The following C8orf74 variants were observed in gnomAD, a reference collection of about 807,000 sequenced individuals.
The protein encoded by C8orf74 is uncharacterized protein C8orf74.
A neutral mutation model predicts 22.2 loss-of-function variants in C8orf74; 29 were observed. The ratio of observed to expected loss-of-function variants is 1.31; its 90% CI spans 0.97 to 1.78. The LOEUF is 1.78. Among genes scored for constraint, C8orf74 ranks in the 40% most tolerant of loss-of-function variants. C8orf74 has a pLI of 0.00. For synonymous variants in C8orf74, 255 were observed against 163.1 expected (o/e 1.56, Z -4.30); for missense variants, 515 against 369.9 (o/e 1.39, Z -3.22).
chr8:10,681,055 C>A (rs932887643), intron 2 of C8orf74, among the ~76,000 whole-genome samples: 3 of 151,342 alleles, frequency 2.0e-5, no homozygotes, highest in Non-Finnish European at 4.4e-5. Flanking sequence ...TTCTAGATAA[C>A]AAAGCTGGCA....
chr8:10,694,299 A>G (rs1443337097), intron 2 of C8orf74, among the ~76,000 whole-genome samples: 2 of 152,192 alleles, frequency 1.3e-5, no homozygotes, highest in Non-Finnish European at 1.5e-5. Context: ...TCACCGTTTG[A>G]CAAACTAATC....
At chr8:10,677,325 T>G (rs899791607) in intron 2 of C8orf74, among the ~76,000 whole-genome samples, 1 of 152,228 alleles carries the variant, frequency 6.6e-6, no homozygotes. Context: ...GGGCTTCATA[T>G]AATGCGACTA....
chr8:10,698,901 C>CCACACACACACACACACACA, intron 3 of C8orf74, among the ~76,000 whole-genome samples: 1 of 137,628 alleles, frequency 7.3e-6, no homozygotes, highest in Admixed American at 7.2e-5. Context: ...TACACACACA[C>CCACACACACACACACACACA]CACACACACA....
chr8:10,692,860 G>C (rs990448534), intron 2 of C8orf74: 5 of 152,180 alleles, frequency 3.3e-5, no homozygotes, highest in African/African-American at 1.2e-4. Flanking sequence ...CTGGCACTTG[G>C]CACCCAGCAG....
In C8orf74 at chr8:10,700,532, C is replaced by A. The variant is rs986387764; in HGVS notation, c.*61C>A. 14 of 1,083,868 alleles carry A rather than the reference C, an allele frequency of 1.3e-5. No homozygotes were observed. The African/African-American group carries it at 2.1e-4, about 16-fold the overall frequency. 67.1% of individuals were successfully genotyped at this position (1,083,868 alleles called of 1,614,324 possible). A position where few individuals can be genotyped will look rare whatever the true frequency, so the allele number is the denominator to read the frequency against. The stretch of plus-strand genomic sequence containing the variant: ...CAGCCACCCATAACCATGAGCCTTG[C>A]GGCACGGTGAGCTCAGCACCCACAG... On this transcript the variant is annotated 3_prime_UTR_variant, in exon 4 of 4. Coordinates refer to ENST00000304519, the MANE Select transcript of C8orf74 (RefSeq NM_001040032.2).
chr8:10,700,343 C>A lies in C8orf74; in HGVS notation c.757C>A (p.Gln253Lys). ...NTFAILDLKLQKKTLNLNAPT... is the reference protein window; with the variant it reads ...NTFAILDLKLKKKTLNLNAPT... ...ATTCGCCATCTTGGACCTGAAGCTT[C>A]AGAAGAAGACTCTGAACCTCAACGC... Residue 253 changes from glutamine (Q) to lysine (K), a missense_variant, in exon 4 of 4, where the codon CAG (glutamine) becomes AAG (lysine). Physicochemically the swap from Gln to Lys is moderately conservative, Grantham distance 53. Transcript: ENST00000304519. The A allele has an allele frequency of 6.2e-7, 1 of 1,613,824 alleles. No homozygotes were observed. Among genetic ancestry groups the A allele is most frequent in the Non-Finnish European group, 8.5e-7 (1 of 1,179,768 alleles).
In C8orf74 at chr8:10,674,741, C is replaced by G. The variant is rs1798995341; in HGVS notation, c.144C>G (p.Leu48=). 28 of 1,607,322 alleles carry G rather than the reference C, an allele frequency of 1.7e-5. No individual in the cohort carries two copies. The highest frequency in any genetic ancestry group is 2.3e-5 in the Non-Finnish European group (27 of 1,176,986). Residue 48 remains leucine (L), a synonymous_variant, in exon 2 of 4, where the codon CTC becomes CTG. Transcript: ENST00000304519. ...GGAGGAGCATCCTGCTGGACACCCT[C>G]TACGAGAGCATCATCTTTGCAGTGG... ...DSRRSILLDT[L]YESIIFAVGK...
intron 2 of C8orf74, chr8:10,675,713 C>G (rs923171730): frequency 3.3e-5 from 5 of 152,184 alleles, no homozygotes; most frequent in African/African-American, 1.2e-4. Flanking sequence ...CCAGCATTCT[C>G]CTGTGATGGT....
chr8:10,674,192 A>G (rs1251163072), intron 1 of C8orf74, among the ~76,000 whole-genome samples: 2 of 114,482 alleles, frequency 1.7e-5, no homozygotes, highest in Non-Finnish European at 3.4e-5. Context: ...CAGCCCCCAT[A>G]TCACACCCTG....
chr8:10,675,245 G>C (rs566436800), intron 2 of C8orf74, among the ~76,000 whole-genome samples: 2 of 152,348 alleles, frequency 1.3e-5, no homozygotes, highest in Middle Eastern at 3.4e-3. Context: ...GGGAGTCCTG[G>C]AGCTTGCTCA....
At chr8:10,695,241 G>GT (rs1563164078) in intron 2 of C8orf74, among the ~76,000 whole-genome samples, 3 of 152,266 alleles carry the variant, frequency 2.0e-5, no homozygotes. Context: ...TGTGAAGTCA[G>GT]TATCACTATT....
At chr8:10,689,565 G>A (rs1417708901) in intron 2 of C8orf74, 11 of 152,158 alleles carry the variant, frequency 7.2e-5, no homozygotes, top group Non-Finnish European at 1.5e-4. Context: ...TGAAGAACAC[G>A]AGATTTAGGG....
At chr8:10,690,993 C>T (rs757207822) in intron 2 of C8orf74, 17 of 454,524 alleles carry the variant, frequency 3.7e-5, no homozygotes, top group Non-Finnish European at 5.8e-5. Context: ...CGGCAGCCAG[C>T]GGCTTCTCCC....
In C8orf74 at chr8:10,674,656, G is replaced by T. The variant is rs755713003; in HGVS notation, c.59G>T (p.Gly20Val). The T allele has an allele frequency of 5.0e-6, 8 of 1,607,838 alleles. No homozygotes were observed. In the African/African-American group the frequency reaches 9.4e-5, roughly 19 times the overall value. Residue 20 changes from glycine to valine, a missense_variant, in exon 2 of 4, where the codon GGT becomes GTT. Gly to Val is a moderately radical substitution (Grantham distance 109). Coordinates refer to ENST00000304519, the MANE Select transcript of C8orf74 (RefSeq NM_001040032.2). Reference protein sequence around the residue: ...KEVFQLQRPQGRERLRRLLNW... With the variant: ...KEVFQLQRPQVRERLRRLLNW... ...TGTCATTCCCTGCAGAGACCACAAGGTCGGGAGCGCCTGCGGAGGCTTCTG... is the reference window on the plus strand; with the variant it reads ...TGTCATTCCCTGCAGAGACCACAAGTTCGGGAGCGCCTGCGGAGGCTTCTG...
At chr8:10,674,599 T>C in intron 1 of C8orf74, 47 bp from the exon 2 acceptor site, 1 of 1,332,046 alleles carries the variant, frequency 7.5e-7, no homozygotes. Context: ...TATCATGCCC[T>C]GCAACCCCCA....
chr8:10,672,652 C>G lies in C8orf74; in HGVS notation c.-14C>G, dbSNP rs1798939429. 6.4e-7 allele frequency: 1 copy of G among 1,561,486 alleles called. No homozygotes were observed. Among genetic ancestry groups the G allele is most frequent in the African/African-American group, 1.4e-5 (1 of 73,466 alleles). On this transcript the variant is annotated 5_prime_UTR_variant, in exon 1 of 4. Transcript: ENST00000304519. ...CAGTCTGGCTCCGTCTCCTGGCAAC[C>G]AGATGCAGGGGCCATGGCACTCTTA...
At chr8:10,690,090 C>T (rs181881828) in intron 2 of C8orf74, among the ~76,000 whole-genome samples, 22 of 152,328 alleles carry the variant, frequency 1.4e-4, no homozygotes, top group African/African-American at 5.3e-4. Context: ...AGGTCCCTTG[C>T]AGTGTCCACC....
chr8:10,682,476 G>C (rs913068128), intron 2 of C8orf74, among the ~76,000 whole-genome samples: 10 of 152,138 alleles, frequency 6.6e-5, no homozygotes, highest in African/African-American at 2.4e-4. Flanking sequence ...TCTCTCCTTG[G>C]CTTGTGGACA....
chr8:10,676,560 C>A (rs1349026493), intron 2 of C8orf74, among the ~76,000 whole-genome samples: 1 of 152,220 alleles, frequency 6.6e-6, no homozygotes. Flanking sequence ...CCTGGGTCAG[C>A]CTTTCTTTAA....
Sources: gnomAD v4.1 joint callset for allele counts (sites outside exome capture counted in the v4.1 genomes callset) on GRCh38, gnomAD v4.1.1 for gene constraint, MANE v1.5 for transcripts, NCBI Gene and HGNC (gene_info 2026-07-23, HGNC 2026-07-21) for gene names.